AP3S2: variants seen among roughly 807,000 people sequenced by gnomAD.
The protein encoded by AP3S2 is AP-3 complex subunit sigma-2.
In AP3S2, 22 loss-of-function variants were observed where a neutral mutation model predicts 23.4. The observed-to-expected ratio is 0.94, with a 90% CI of 0.67 to 1.34. The LOEUF (loss-of-function observed/expected upper bound fraction) is 1.34. Ranked by LOEUF, AP3S2 falls within the 40% of genes most tolerant of loss-of-function variation. The pLI is 0.00. For missense variants in AP3S2, 241 were observed against 236.9 expected (o/e 1.02, Z -0.11); for synonymous variants, 86 against 87.1 (o/e 0.99, Z 0.07).
At chr15:89,876,098 G>A (rs1191142756) in intron 3 of AP3S2, among the ~76,000 whole-genome samples, 1 of 152,178 alleles carries the variant, frequency 6.6e-6, no homozygotes, top group Non-Finnish European at 1.5e-5. Flanking sequence ...GCAGAGAGAA[G>A]AACGATCATG....
At chr15:89,871,410 C>G (rs3759831) in intron 4 of AP3S2, 65 bp downstream of exon 4, 1,102,337 of 1,494,140 alleles carry the variant, frequency 0.74, 407,779 homozygotes, top group Admixed American at 0.83. Context: ...GAGGTGGCTA[C>G]AGATGCCCAA....
At chr15:89,855,929 A>C (rs1350840387) in intron 4 of AP3S2, among the ~76,000 whole-genome samples, 2 of 139,830 alleles carry the variant, frequency 1.4e-5, no homozygotes, top group East Asian at 4.1e-4. Context: ...TGTATGAATA[A>C]ATATGATATG....
At chr15:89,893,455 AAAG>A (rs1896865678) in intron 1 of AP3S2, 2 of 359,270 alleles carry the variant, frequency 5.6e-6, no homozygotes, top group South Asian at 2.6e-4. Flanking sequence ...TCCAAAAAAA[AAAG>A]AACTTTTCCA....
At chr15:89,866,673 C>T (rs1170793232) in intron 4 of AP3S2, among the ~76,000 whole-genome samples, 2 of 151,838 alleles carry the variant, frequency 1.3e-5, no homozygotes, top group Non-Finnish European at 2.9e-5. Context: ...TTAGTAGAGA[C>T]GGGGTTTCTC....
chr15:89,858,523 G>GAGAGAGAGAGAGAGAGAGAA (rs1555446558), intron 4 of AP3S2, among the ~76,000 whole-genome samples: 5 of 53,650 alleles, frequency 9.3e-5, no homozygotes, highest in Admixed American at 2.5e-4. Context: ...GAGAGAGAGA[G>GAGAGAGAGAGAGAGAGAGAA]AGAAAGAAAG....
intron 3 of AP3S2, among the ~76,000 whole-genome samples, chr15:89,883,652 T>C (rs1567187563): frequency 6.6e-6 from 1 of 152,128 alleles, no homozygotes; most frequent in Non-Finnish European, 1.5e-5. Context: ...GGGTTGGGAC[T>C]ATAGGTATGA....
At chr15:89,862,820 G>C (rs1194464062) in intron 4 of AP3S2, among the ~76,000 whole-genome samples, 6 of 152,110 alleles carry the variant, frequency 3.9e-5, no homozygotes, top group Admixed American at 2.0e-4. Flanking sequence ...GGAAATACAG[G>C]AATAGGACTC....
intron 3 of AP3S2, among the ~76,000 whole-genome samples, chr15:89,877,833 A>C (rs1170567004): frequency 6.6e-6 from 1 of 152,052 alleles, no homozygotes; most frequent in Admixed American, 6.6e-5. Context: ...ACACCAAAAA[A>C]CTGAAATGCT....
At chr15:89,866,899 G>A (rs927435513) in intron 4 of AP3S2, among the ~76,000 whole-genome samples, 31 of 152,178 alleles carry the variant, frequency 2.0e-4, no homozygotes, top group Admixed American at 4.6e-4. Flanking sequence ...GAGGAGGTGG[G>A]TGATGGGAGT....
intron 4 of AP3S2, among the ~76,000 whole-genome samples, chr15:89,867,938 C>T (rs958358511): frequency 6.8e-6 from 1 of 147,708 alleles, no homozygotes; most frequent in Non-Finnish European, 1.5e-5. Flanking sequence ...GTCAGCCCCC[C>T]ACCCGGCCAG....
intron 4 of AP3S2, among the ~76,000 whole-genome samples, chr15:89,856,040 G>T (rs1471143762): frequency 6.6e-6 from 1 of 151,552 alleles, no homozygotes; most frequent in Admixed American, 6.6e-5. Flanking sequence ...GTCTTTAAGA[G>T]GGTTGCATAA....
chr15:89,874,543 G>A (rs1219207951), intron 3 of AP3S2, among the ~76,000 whole-genome samples: 1 of 152,176 alleles, frequency 6.6e-6, no homozygotes, highest in Non-Finnish European at 1.5e-5. Flanking sequence ...GGGCAGCCAA[G>A]ACAGGAAGAT....
rs927958612 is a variant in AP3S2 at position 89,893,864 on chromosome 15, A to G, written c.69+17T>C. 6 of 1,551,584 alleles carry G rather than the reference A, an allele frequency of 3.9e-6. No individual in the cohort carries two copies. The highest frequency in any genetic ancestry group is 1.7e-4 in the Middle Eastern group (1 of 5,982). On this transcript the variant is annotated intron_variant, in intron 1 of 5. Coordinates refer to ENST00000336418, the MANE Select transcript of AP3S2 (RefSeq NM_005829.5). Reference sequence around the variant, plus strand: ...TGGGCGCCCTGAAGGGGCGTGGTGAAGCCGGGCCGCACTCACGAAACGCTG... The same window carrying G: ...TGGGCGCCCTGAAGGGGCGTGGTGAGGCCGGGCCGCACTCACGAAACGCTG...
At chr15:89,882,195 A>C (rs959426256) in intron 3 of AP3S2, among the ~76,000 whole-genome samples, 11 of 152,104 alleles carry the variant, frequency 7.2e-5, no homozygotes, top group African/African-American at 2.2e-4. Context: ...TGATCCAGGC[A>C]TTCTGTTTTT....
intron 4 of AP3S2, among the ~76,000 whole-genome samples, chr15:89,868,095 A>C (rs1415718079): frequency 1.1e-5 from 1 of 94,894 alleles, no homozygotes; most frequent in African/African-American, 3.9e-5. Context: ...CTGGCCAGCC[A>C]CCCCGTCCGG....
chr15:89,866,436 C>T (rs751662494), intron 4 of AP3S2, among the ~76,000 whole-genome samples: 2 of 151,932 alleles, frequency 1.3e-5, no homozygotes, highest in Non-Finnish European at 2.9e-5. Flanking sequence ...TATTATCCCA[C>T]AGGTCCCTAA....
chr15:89,889,218 G>T (rs1267644135), intron 1 of AP3S2, 78 bp from the exon 2 acceptor site: 1 of 1,504,934 alleles, frequency 6.6e-7, no homozygotes. Context: ...GACAAGGGAA[G>T]AAGTGTTTCT....
At chr15:89,883,220 T>C (rs1457785448) in intron 3 of AP3S2, among the ~76,000 whole-genome samples, 1 of 152,178 alleles carries the variant, frequency 6.6e-6, no homozygotes, top group Non-Finnish European at 1.5e-5. Context: ...TATTCTGTCA[T>C]TTTGCTCATA....
intron 1 of AP3S2, among the ~76,000 whole-genome samples, chr15:89,892,559 T>G (rs1567190821): frequency 6.6e-6 from 1 of 152,160 alleles, no homozygotes; most frequent in Non-Finnish European, 1.5e-5. Context: ...GTTAGTTTTA[T>G]CTCAGTAACC....
Sources: allele counts gnomAD v4.1 joint callset (sites outside exome capture counted in the v4.1 genomes callset), GRCh38; gene constraint gnomAD v4.1.1; transcripts MANE v1.5; gene names NCBI Gene and HGNC (gene_info 2026-07-23, HGNC 2026-07-21).